PDE1C: variants seen among roughly 807,000 people sequenced by gnomAD.
The protein encoded by PDE1C is phosphodiesterase 1C.
PDE1C carries 62 observed loss-of-function variants against 93.1 expected under a neutral mutation model. The ratio of observed to expected loss-of-function variants is 0.67; its 90% CI spans 0.54 to 0.82. The LOEUF is 0.82. Ranked by LOEUF, PDE1C falls within the 40% of genes least tolerant of loss-of-function variation. The probability of loss-of-function intolerance (pLI) is 0.00; values close to 1 mark genes in which losing one functional copy is unlikely to be tolerated. For synonymous variants in PDE1C, 325 were observed against 310.1 expected (o/e 1.05, Z -0.50); for missense variants, 742 against 884.6 (o/e 0.84, Z 2.04).
intron 16 of PDE1C, chr7:31,787,824 C>G (rs1225257875): frequency 6.6e-6 from 1 of 152,202 alleles, no homozygotes; most frequent in East Asian, 1.9e-4. Flanking sequence ...GCAGTCAGCA[C>G]TGATTTGGAA....
chr7:32,092,941 G>A (rs918255041), intron 3 of PDE1C, among the ~76,000 whole-genome samples: 3 of 152,154 alleles, frequency 2.0e-5, no homozygotes. Context: ...CCACTAGTCA[G>A]TACAGATGTC....
chr7:31,999,069 C>G (rs892628957), intron 2 of PDE1C, among the ~76,000 whole-genome samples: 3 of 152,058 alleles, frequency 2.0e-5, no homozygotes, highest in East Asian at 1.9e-4. Flanking sequence ...CTATGCCGAC[C>G]CTTACTCATC....
At chr7:31,833,672 T>G (rs1460238012) in intron 11 of PDE1C, among the ~76,000 whole-genome samples, 1 of 152,094 alleles carries the variant, frequency 6.6e-6, no homozygotes, top group Non-Finnish European at 1.5e-5. Context: ...ACTTTGAACT[T>G]GAGGGAAATG....
At chr7:31,800,341 C>G (rs945504685) in intron 16 of PDE1C, among the ~76,000 whole-genome samples, 3 of 151,452 alleles carry the variant, frequency 2.0e-5, no homozygotes, top group Non-Finnish European at 3.0e-5. Flanking sequence ...AAGAGTTTCT[C>G]TTATATTTTC....
At chr7:31,695,420 T>C in the PDE1C span, 1 of 1,526,114 alleles carries the variant, frequency 6.6e-7, no homozygotes, top group African/African-American at 1.4e-5. Flanking sequence ...TGTGACTGGA[T>C]CCTTAATCAT....
At chr7:32,257,568 T>G (rs1809896558) in intron 1 of PDE1C, among the ~76,000 whole-genome samples, 1 of 152,248 alleles carries the variant, frequency 6.6e-6, no homozygotes, top group Admixed American at 6.5e-5. Flanking sequence ...ACAAAATGCT[T>G]AAAACAATGC....
intron 1 of PDE1C, among the ~76,000 whole-genome samples, chr7:32,062,823 G>A (rs1203374540): frequency 1.3e-5 from 2 of 152,182 alleles, no homozygotes; most frequent in East Asian, 3.8e-4. Context: ...GAAATATTTG[G>A]TAAGTGAATG....
chr7:31,807,527 A>G lies in PDE1C; in HGVS notation c.1891+1504T>C, dbSNP rs553376646. ...TAATCCACAATGCCCACATGACATC[A>G]TTATAGCAGATGTTTGTACCACAAT... On this transcript the variant is annotated intron_variant, in intron 16 of 17. Transcript: ENST00000396191. 2.6e-5 allele frequency among the ~76,000 whole-genome samples: 4 copies of G among 152,088 alleles called. No homozygotes were observed. In the East Asian group the frequency reaches 7.8e-4, roughly 30 times the overall value.
intron 2 of PDE1C, among the ~76,000 whole-genome samples, chr7:32,174,897 T>C (rs1294913566): frequency 2.0e-5 from 3 of 152,048 alleles, no homozygotes; most frequent in Non-Finnish European, 2.9e-5. Context: ...CCCATAAATA[T>C]GTAACTAATA....
chr7:32,372,822 A>T (rs1784356591), intron 1 of PDE1C, among the ~76,000 whole-genome samples: 1 of 152,254 alleles, frequency 6.6e-6, no homozygotes, highest in Non-Finnish European at 1.5e-5. Context: ...CATTTCTTCA[A>T]AGAATAAATA....
intron 16 of PDE1C, among the ~76,000 whole-genome samples, chr7:31,799,441 T>A (rs1785714087): frequency 6.6e-6 from 1 of 151,754 alleles, no homozygotes; most frequent in Non-Finnish European, 1.5e-5. Flanking sequence ...TTTTCATTAA[T>A]GGCTTGGCAA....
intron 2 of PDE1C, among the ~76,000 whole-genome samples, chr7:32,048,316 G>A (rs1792873813): frequency 6.6e-6 from 1 of 152,126 alleles, no homozygotes; most frequent in East Asian, 1.9e-4. Context: ...ATAAGACACA[G>A]CAGAAGTGAT....
At chr7:32,158,116 G>A (rs368803878) in intron 3 of PDE1C, among the ~76,000 whole-genome samples, 2 of 152,078 alleles carry the variant, frequency 1.3e-5, no homozygotes, top group African/African-American at 2.4e-5. Flanking sequence ...ATTCAAAACC[G>A]GGGCCATTTT....
chr7:31,724,505 A>G, the PDE1C span, among the ~76,000 whole-genome samples: 1 of 152,198 alleles, frequency 6.6e-6, no homozygotes, highest in East Asian at 1.9e-4. Context: ...AATCCAAAGC[A>G]TCTCCCACCT....
chr7:31,968,873 A>T (rs1810461976), intron 2 of PDE1C, among the ~76,000 whole-genome samples: 1 of 152,240 alleles, frequency 6.6e-6, no homozygotes, highest in Non-Finnish European at 1.5e-5. Context: ...AAAAACAAGC[A>T]ATGGGGAAAG....
In PDE1C at chr7:31,775,660, C is replaced by A; in HGVS notation, c.1960+4G>T. Reference sequence around the variant, plus strand: ...AAGATAATGGTGCAATGCTGTTTACCCACCTGGCAACGTAAGGCGACACGT... The same window carrying A: ...AAGATAATGGTGCAATGCTGTTTACACACCTGGCAACGTAAGGCGACACGT... On this transcript the variant is annotated splice_donor_region_variant and intron_variant, in intron 17 of 17. Transcript: ENST00000396191. 1.2e-6 allele frequency: 2 copies of A among 1,612,144 alleles called. No homozygotes were observed. Among genetic ancestry groups the A allele is most frequent in the Non-Finnish European group, 1.7e-6 (2 of 1,179,336 alleles).
At chr7:31,663,660 C>T in the PDE1C span, among the ~76,000 whole-genome samples, 1 of 152,076 alleles carries the variant, frequency 6.6e-6, no homozygotes, top group Non-Finnish European at 1.5e-5. Context: ...TTTAATTGTG[C>T]TTAGTGGAAA....
chr7:32,421,413 G>A (rs188531151), intron 1 of PDE1C, among the ~76,000 whole-genome samples: 4 of 152,356 alleles, frequency 2.6e-5, no homozygotes, highest in Non-Finnish European at 4.4e-5. Flanking sequence ...CGGATGATCC[G>A]TTAATGTGTG....
chr7:32,000,176 G>A (rs908972204), intron 2 of PDE1C, among the ~76,000 whole-genome samples: 9 of 152,096 alleles, frequency 5.9e-5, no homozygotes, highest in African/African-American at 1.4e-4. Flanking sequence ...GGGCTTCACC[G>A]CTCAGGAAAG....
Sources: gnomAD v4.1 joint callset for allele counts (sites outside exome capture counted in the v4.1 genomes callset) on GRCh38, gnomAD v4.1.1 for gene constraint, MANE v1.5 for transcripts, NCBI Gene and HGNC (gene_info 2026-07-23, HGNC 2026-07-21) for gene names.